The following MAML2 variants were observed in gnomAD, a reference collection of about 807,000 sequenced individuals.
MAML2 encodes the protein mastermind-like protein 2.
Under a neutral mutation model 96.1 loss-of-function variants are expected in MAML2, and 22 were observed. The observed-to-expected ratio is 0.23, with a 90% CI of 0.16 to 0.33. The LOEUF is 0.33. Ranked by LOEUF, MAML2 falls within the 10% of genes least tolerant of loss-of-function variation. MAML2 has a pLI of 1.00. For missense variants in MAML2, 1,367 were observed against 1,392.4 expected (o/e 0.98, Z 0.29); for synonymous variants, 561 against 521.3 (o/e 1.08, Z -1.04).
At chr11:95,990,621 A>G (rs950550199) in intron 3 of MAML2, among the ~76,000 whole-genome samples, 2 of 152,154 alleles carry the variant, frequency 1.3e-5, no homozygotes, top group African/African-American at 4.8e-5. Flanking sequence ...GGGTGAAGAG[A>G]GGATTTGCCT....
At chr11:96,290,371 A>T (rs1863192614) in intron 1 of MAML2, among the ~76,000 whole-genome samples, 1 of 152,242 alleles carries the variant, frequency 6.6e-6, no homozygotes, top group African/African-American at 2.4e-5. Flanking sequence ...TGCTGCTGCT[A>T]CTACTAATGT....
intron 1 of MAML2, among the ~76,000 whole-genome samples, chr11:96,241,035 A>G (rs917083343): frequency 3.9e-5 from 6 of 152,218 alleles, no homozygotes; most frequent in African/African-American, 1.4e-4. Context: ...ATTTTTCCAG[A>G]ATATGAAGAT....
At chr11:96,120,943 G>C (rs1478580078) in intron 1 of MAML2, among the ~76,000 whole-genome samples, 1 of 152,238 alleles carries the variant, frequency 6.6e-6, no homozygotes, top group Admixed American at 6.5e-5. Flanking sequence ...TCAAGGGATA[G>C]TGTCTTGCTC....
At chr11:96,298,594 G>A (rs1191486961) in intron 1 of MAML2, among the ~76,000 whole-genome samples, 1 of 151,912 alleles carries the variant, frequency 6.6e-6, no homozygotes, top group Non-Finnish European at 1.5e-5. Flanking sequence ...CAAACAAAGA[G>A]GTAATGAGTT....
intron 2 of MAML2, among the ~76,000 whole-genome samples, chr11:96,057,834 T>G (rs536234150): frequency 1.6e-4 from 25 of 152,220 alleles, no homozygotes; most frequent in Non-Finnish European, 2.8e-4. Flanking sequence ...CTTTTTCATT[T>G]TACACAACTG....
At chr11:96,018,889 G>C (rs1358233942) in intron 2 of MAML2, among the ~76,000 whole-genome samples, 2 of 152,178 alleles carry the variant, frequency 1.3e-5, no homozygotes, top group Non-Finnish European at 2.9e-5. Flanking sequence ...GCGCCTGGCT[G>C]AGAGTTAAGA....
chr11:96,093,024 T>A lies in MAML2; in HGVS notation c.1007A>T (p.Gln336Leu), dbSNP rs765252529. 1.2e-6 allele frequency: 2 copies of A among 1,614,048 alleles called. No homozygotes were observed. The highest frequency in any genetic ancestry group is 1.7e-5 in the Admixed American group (1 of 60,024). The change falls in exon 2 of 5, where the codon CAG (glutamine) becomes CTG (leucine). Residue 336 changes from glutamine (Q) to leucine (L), a missense_variant. By Grantham distance (113) the Gln-to-Leu change is moderately radical (BLOSUM62 -2). Coordinates refer to ENST00000524717, the MANE Select transcript of MAML2 (RefSeq NM_032427.4). Reference sequence around the variant, plus strand: ...CAAGTCAATGTTAAATGGGTCATCCTGCTTTATGGTGGCATTGATCATGTT... The same window carrying A: ...CAAGTCAATGTTAAATGGGTCATCCAGCTTTATGGTGGCATTGATCATGTT... The part of the protein sequence containing the change: ...LENMINATIK[Q>L]DDPFNIDLGQ...
At chr11:96,307,238 C>T (rs1300157680) in intron 1 of MAML2, among the ~76,000 whole-genome samples, 1 of 152,204 alleles carries the variant, frequency 6.6e-6, no homozygotes, top group Admixed American at 6.5e-5. Flanking sequence ...CCTCTTAGAA[C>T]TGTGCTCATT....
intron 2 of MAML2, among the ~76,000 whole-genome samples, chr11:96,002,973 T>C (rs753870102): frequency 8.3e-5 from 12 of 144,146 alleles, no homozygotes; most frequent in Non-Finnish European, 1.2e-4. Flanking sequence ...ATGAAGATGG[T>C]GAGGATGATG....
chr11:96,174,429 G>A (rs921330869), intron 1 of MAML2, among the ~76,000 whole-genome samples: 1 of 152,092 alleles, frequency 6.6e-6, no homozygotes, highest in African/African-American at 2.4e-5. Flanking sequence ...TGTCTCCCGG[G>A]CTCGAGTGCA....
At chr11:96,072,679 C>T in intron 2 of MAML2, among the ~76,000 whole-genome samples, 1 of 152,154 alleles carries the variant, frequency 6.6e-6, no homozygotes, top group Non-Finnish European at 1.5e-5. Context: ...AGGCCACTTA[C>T]TGAAAGACCT....
chr11:96,338,439 C>G (rs1210581908), intron 1 of MAML2, among the ~76,000 whole-genome samples: 1 of 152,232 alleles, frequency 6.6e-6, no homozygotes, highest in Non-Finnish European at 1.5e-5. Context: ...TTAAAACTGG[C>G]TTGGAGGTTA....
rs1403030064 is a variant in MAML2 at position 96,277,429 on chromosome 11, T to C, written c.513+63954A>G. Among the ~76,000 whole-genome samples, 3 of 152,138 alleles carry C rather than the reference T, an allele frequency of 2.0e-5. No homozygotes were observed. The South Asian group carries it at 6.2e-4, about 31-fold the overall frequency. The stretch of plus-strand genomic sequence containing the variant: ...AAATATACAAAATATTGTTGCTAAG[T>C]ACAATCACTGTATTCTACTATCAAA... On this transcript the variant is annotated intron_variant, in intron 1 of 4. Coordinates refer to ENST00000524717, the MANE Select transcript of MAML2 (RefSeq NM_032427.4).
Position 96,342,647 on chromosome 11 carries a change from T to G in MAML2, c.-752A>C, listed in dbSNP as rs1864015127. 5.2e-6 allele frequency: 2 copies of G among 383,250 alleles called. No homozygotes were observed. Among genetic ancestry groups the G allele is most frequent in the Admixed American group, 9.0e-5 (2 of 22,244 alleles). The allele number at this position is 383,250 out of a possible 1,614,324, so 23.7% of individuals were successfully genotyped here. A position where few individuals can be genotyped will look rare whatever the true frequency, so the allele number is the denominator to read the frequency against. On this transcript the variant is annotated 5_prime_UTR_variant, in exon 1 of 5. Transcript: ENST00000524717. ...AAGAGGGAGACAGCTTTTCAACTGTTAACAATGTCAGTAATTGGACTTTTG... is the reference window on the plus strand; with the variant it reads ...AAGAGGGAGACAGCTTTTCAACTGTGAACAATGTCAGTAATTGGACTTTTG...
At chr11:96,194,360 T>C (rs1861700222) in intron 1 of MAML2, among the ~76,000 whole-genome samples, 1 of 152,134 alleles carries the variant, frequency 6.6e-6, no homozygotes, top group Non-Finnish European at 1.5e-5. Context: ...TAAAGGTGAG[T>C]GTTTAGAGAA....
intron 1 of MAML2, among the ~76,000 whole-genome samples, chr11:96,136,867 A>T (rs2135861738): frequency 6.6e-6 from 1 of 152,344 alleles, no homozygotes; most frequent in African/African-American, 2.4e-5. Flanking sequence ...TAGGATGAAC[A>T]TTAAAATAAT....
chr11:96,231,837 T>C (rs58352120), intron 1 of MAML2, among the ~76,000 whole-genome samples: 1 of 152,278 alleles, frequency 6.6e-6, no homozygotes, highest in East Asian at 1.9e-4. Context: ...TTAAAAAATA[T>C]GTCACCAATC....
intron 1 of MAML2, among the ~76,000 whole-genome samples, chr11:96,246,746 C>T (rs1413352935): frequency 6.6e-6 from 1 of 152,058 alleles, no homozygotes; most frequent in East Asian, 1.9e-4. Context: ...CAGTATCATA[C>T]CCAGGATTGT....
intron 1 of MAML2, among the ~76,000 whole-genome samples, chr11:96,167,625 C>A (rs1565235562): frequency 6.6e-6 from 1 of 152,168 alleles, no homozygotes; most frequent in Non-Finnish European, 1.5e-5. Context: ...TTATTTGTAG[C>A]CATTTACTCC....
Sources: allele counts gnomAD v4.1 joint callset (sites outside exome capture counted in the v4.1 genomes callset), GRCh38; gene constraint gnomAD v4.1.1; transcripts MANE v1.5; gene names NCBI Gene and HGNC (gene_info 2026-07-23, HGNC 2026-07-21).